Variants in ALKBH3 observed in about 807,000 individuals in gnomAD.
ALKBH3 encodes the protein alpha-ketoglutarate-dependent dioxygenase alkB homolog 3.
ALKBH3 carries 51 observed loss-of-function variants against 43.9 expected under a neutral mutation model. The observed-to-expected ratio is 1.16, with a 90% CI of 0.93 to 1.47. The LOEUF is 1.47. Ranked by LOEUF, ALKBH3 falls within the 40% of genes most tolerant of loss-of-function variation. The pLI is 0.00. For synonymous variants in ALKBH3, 102 were observed against 115.2 expected, an observed-to-expected ratio of 0.89 and a Z score of 0.73; for missense variants, 361 against 351.9, an observed-to-expected ratio of 1.03 and a Z score of -0.21.
intron 7 of ALKBH3, chr11:43,897,782 C>A: frequency 1.2e-6 from 1 of 823,358 alleles, no homozygotes; most frequent in East Asian, 2.4e-5. Flanking sequence ...ATACCGTTCA[C>A]CCTGAAAATG....
At chr11:43,890,194 T>C (rs1261952855) in intron 6 of ALKBH3, among the ~76,000 whole-genome samples, 1 of 152,194 alleles carries the variant, frequency 6.6e-6, no homozygotes, top group Non-Finnish European at 1.5e-5. Context: ...AGAGCTTTCT[T>C]TTTTTCTTAT....
chr11:43,899,594 A>C, intron 7 of ALKBH3: 1 of 566,140 alleles, frequency 1.8e-6, no homozygotes, highest in Middle Eastern at 5.4e-4. Context: ...TGTGCAGAGG[A>C]GATGGCCGCC....
intron 6 of ALKBH3, among the ~76,000 whole-genome samples, chr11:43,891,560 G>A (rs1237640862): frequency 6.6e-6 from 1 of 152,134 alleles, no homozygotes; most frequent in Non-Finnish European, 1.5e-5. Flanking sequence ...AAAATCAGCT[G>A]CATGCCACAG....
chr11:43,919,732 G>T (rs1401469952), intron 9 of ALKBH3, 186 bp from the exon 10 acceptor site: 5 of 573,276 alleles, frequency 8.7e-6, no homozygotes, highest in Non-Finnish European at 1.6e-5. Context: ...TAGCACAGTG[G>T]GGCTGGGGAT....
intron 7 of ALKBH3, among the ~76,000 whole-genome samples, chr11:43,893,702 G>A (rs1221673191): frequency 6.6e-6 from 1 of 152,148 alleles, no homozygotes; most frequent in Non-Finnish European, 1.5e-5. Flanking sequence ...GGAGGTCAAG[G>A]TGGAAGGATT....
At chr11:43,910,988 A>G (rs1653278687) in intron 8 of ALKBH3, among the ~76,000 whole-genome samples, 1 of 152,228 alleles carries the variant, frequency 6.6e-6, no homozygotes, top group African/African-American at 2.4e-5. Context: ...GGGATATAGC[A>G]GTGAACATGA....
chr11:43,885,654 A>G (rs907395122), intron 4 of ALKBH3, among the ~76,000 whole-genome samples: 2 of 152,150 alleles, frequency 1.3e-5, no homozygotes, highest in African/African-American at 4.8e-5. Flanking sequence ...AGCTTTATAC[A>G]TTTCCACATT....
At position 43,915,540 on chromosome 11, in the gene ALKBH3, A is replaced by T. The variant is rs181409028; in HGVS notation, c.670-3498A>T. ...TTTTTATTTATTTTCCCTCTTTTTA[A>T]AAAAAAATACTGGTGTATGAAAATC... On this transcript the variant is annotated intron_variant, in intron 8 of 9. Coordinates refer to ENST00000302708, the MANE Select transcript of ALKBH3 (RefSeq NM_139178.4). 3.6e-3 allele frequency among the ~76,000 whole-genome samples: 548 copies of T among 152,064 alleles called. 4 individuals are homozygous for T. Among genetic ancestry groups the T allele is most frequent in the African/African-American group, 0.013 (532 of 41,488 alleles).
In ALKBH3 at chr11:43,889,766, A is replaced by T; in HGVS notation, c.308A>T (p.Asp103Val). 1 of 1,614,084 alleles carries T rather than the reference A, an allele frequency of 6.2e-7. No individual in the cohort carries two copies. The highest frequency in any genetic ancestry group is 8.5e-7 in the Non-Finnish European group (1 of 1,179,976). Residue 103 changes from aspartate to valine, a missense_variant, in exon 6 of 10, where the codon GAC becomes GTC. Transcript: ENST00000302708. ...GGCTTTGTTGACGTGAAAGAAGCTG[A>T]CTGGATATTGGAACAGCTTTGTCAA... is the stretch of plus-strand genomic sequence containing the variant. Reference protein sequence around the residue: ...YPGFVDVKEADWILEQLCQDV... With the variant: ...YPGFVDVKEAVWILEQLCQDV...
chr11:43,885,799 T>A (rs1951742575), intron 4 of ALKBH3, among the ~76,000 whole-genome samples: 3 of 152,234 alleles, frequency 2.0e-5, no homozygotes, highest in Admixed American at 2.0e-4. Flanking sequence ...TAAATTGTAA[T>A]CTTGTACATC....
chr11:43,913,981 G>A (rs978332774), intron 8 of ALKBH3, among the ~76,000 whole-genome samples: 1 of 152,194 alleles, frequency 6.6e-6, no homozygotes, highest in African/African-American at 2.4e-5. Flanking sequence ...ATCTGAAATG[G>A]CTCATTGGCA....
chr11:43,919,472 A>G (rs910829976), intron 9 of ALKBH3: 14 of 314,320 alleles, frequency 4.5e-5, no homozygotes, highest in Non-Finnish European at 8.2e-5. Context: ...AAATTTAAAT[A>G]GCTTCAGGGT....
intron 8 of ALKBH3, among the ~76,000 whole-genome samples, chr11:43,905,655 C>A (rs541890293): frequency 2.0e-5 from 3 of 152,250 alleles, no homozygotes; most frequent in African/African-American, 7.2e-5. Flanking sequence ...TATATTCTGG[C>A]TGTTGTCAGG....
Position 43,901,742 on chromosome 11 carries a change from T to C in ALKBH3, c.669+17T>C. The C allele has an allele frequency of 6.2e-7, 1 of 1,612,456 alleles. No individual in the cohort carries two copies. On this transcript the variant is annotated intron_variant, in intron 8 of 9. Coordinates refer to ENST00000302708, the MANE Select transcript of ALKBH3 (RefSeq NM_139178.4). Reference sequence around the variant, plus strand: ...CCACCACCAGTGAGTATTCTCTTTTTCTTATGCTCTTCCTGCCTCTTATTA... The same window carrying C: ...CCACCACCAGTGAGTATTCTCTTTTCCTTATGCTCTTCCTGCCTCTTATTA...
rs562893856 is a variant in ALKBH3 at position 43,882,751 on chromosome 11, TTG to T, written c.79+31_79+32del. On this transcript the variant is annotated intron_variant, in intron 2 of 9. Coordinates refer to ENST00000302708, the MANE Select transcript of ALKBH3 (RefSeq NM_139178.4). Reference sequence around the variant, plus strand: ...AGCCAGGCAAGAATCTGTAGGGATTTTGTGTGTGTGTGGATATGGACAACTCT... The same window carrying T: ...AGCCAGGCAAGAATCTGTAGGGATTTTGTGTGTGTGGATATGGACAACTCT... 28 of 1,605,592 alleles carry T rather than the reference TTG, an allele frequency of 1.7e-5. No homozygotes were observed. The highest frequency in any genetic ancestry group is 8.9e-5 in the South Asian group (8 of 89,650).
intron 8 of ALKBH3, among the ~76,000 whole-genome samples, chr11:43,912,733 A>T (rs1250002677): frequency 6.6e-6 from 1 of 152,224 alleles, no homozygotes; most frequent in Non-Finnish European, 1.5e-5. Flanking sequence ...ATAATTTTTT[A>T]AAATCATGGC....
chr11:43,891,296 A>G (rs139812961), intron 6 of ALKBH3, among the ~76,000 whole-genome samples: 196 of 152,316 alleles, frequency 1.3e-3, no homozygotes, highest in African/African-American at 4.6e-3. Flanking sequence ...ACAGTTAAGT[A>G]ACTCTCTGAT....
Position 43,883,966 on chromosome 11 carries a change from C to T in ALKBH3, c.184-17C>T, listed in dbSNP as rs538603310. The T allele has an allele frequency of 3.1e-6, 5 of 1,612,718 alleles. No homozygotes were observed. The highest frequency in any genetic ancestry group is 2.2e-5 in the East Asian group (1 of 44,734). Reference sequence around the variant, plus strand: ...TTAAGAACATCCCAGAAGTAAGATCCGCCTATTTCCTTGCAGGTAGTACGT... The same window carrying T: ...TTAAGAACATCCCAGAAGTAAGATCTGCCTATTTCCTTGCAGGTAGTACGT... On this transcript the variant is annotated splice_polypyrimidine_tract_variant and intron_variant, in intron 3 of 9. Coordinates refer to ENST00000302708, the MANE Select transcript of ALKBH3 (RefSeq NM_139178.4).
chr11:43,910,879 C>A (rs1489788369), intron 8 of ALKBH3, among the ~76,000 whole-genome samples: 3 of 152,128 alleles, frequency 2.0e-5, no homozygotes, highest in Non-Finnish European at 4.4e-5. Flanking sequence ...AGGAACAGTT[C>A]TTTCCTGCCT....
Sources: allele counts gnomAD v4.1 joint callset (sites outside exome capture counted in the v4.1 genomes callset), GRCh38; gene constraint gnomAD v4.1.1; transcripts MANE v1.5; gene names NCBI Gene and HGNC (gene_info 2026-07-23, HGNC 2026-07-21).